Variants in SMARCA1 observed in about 807,000 individuals in gnomAD.
SMARCA1 encodes SNF2 related chromatin remodeling ATPase 1.
In SMARCA1, 17 loss-of-function variants were observed where a neutral mutation model predicts 93.6. The ratio of observed to expected loss-of-function variants is 0.18; its 90% CI spans 0.12 to 0.27. The LOEUF (loss-of-function observed/expected upper bound fraction) is 0.27. Among genes scored for constraint, SMARCA1 ranks in the 10% least tolerant of loss-of-function variants. SMARCA1 has a pLI of 1.00. For synonymous variants in SMARCA1, 271 were observed against 271.4 expected (o/e 1.00, Z 0.01); for missense variants, 630 against 819.0 (o/e 0.77, Z 2.82).
chrX:129,455,635 C>G (rs182930592), intron 23 of SMARCA1, among the ~76,000 whole-genome samples: 131 of 111,302 alleles, frequency 1.2e-3, no homozygotes, highest in African/African-American at 4.1e-3. Flanking sequence ...CTCCACTGAA[C>G]ACACAAGTGA....
At chrX:129,455,613 A>C (rs1313198165) in intron 23 of SMARCA1, among the ~76,000 whole-genome samples, 1 of 111,580 alleles carries the variant, frequency 9.0e-6, no homozygotes, top group Non-Finnish European at 1.9e-5. Context: ...AATTTAAAAA[A>C]AAAAAGTGCT....
intron 3 of SMARCA1, 142 bp downstream of exon 3, chrX:129,516,189 A>G: frequency 1.6e-6 from 1 of 630,980 alleles, no homozygotes. Flanking sequence ...TTCAAAACAT[A>G]ATTATAATGG....
intron 12 of SMARCA1, among the ~76,000 whole-genome samples, chrX:129,493,585 G>T (rs186034512): frequency 1.8e-5 from 2 of 111,413 alleles, no homozygotes; most frequent in African/African-American, 6.5e-5. Flanking sequence ...GCACCTTGGC[G>T]TAGAGGAAAT....
intron 9 of SMARCA1, among the ~76,000 whole-genome samples, chrX:129,502,153 A>G (rs1240221077): frequency 9.0e-6 from 1 of 111,470 alleles, no homozygotes; most frequent in Non-Finnish European, 1.9e-5. Flanking sequence ...ACTTAAGCAA[A>G]AAGACTCCGA....
chrX:129,471,314 G>A lies in SMARCA1; in HGVS notation c.2455C>T (p.Pro819Ser). ...GCCAGAGCTGGATTTGGGATATCAG[G>A]ATTCCTTGGAACCTATAAATCAAGA... is the stretch of plus-strand genomic sequence containing the variant. ...KTIGYKVPRN[P>S]DIPNPALAQR... The change falls in exon 20 of 25, where the codon CCT becomes TCT. Residue 819 changes from proline (P) to serine (S), a missense_variant. By Grantham distance (74) the Pro-to-Ser change is moderately conservative. Transcript: ENST00000371121. 8.4e-7 allele frequency: 1 copy of A among 1,194,946 alleles called. No individual in the cohort carries two copies. Among genetic ancestry groups the A allele is most frequent in the South Asian group, 1.8e-5 (1 of 54,588 alleles).
At chrX:129,448,992 G>A (rs1239968703) in intron 23 of SMARCA1, among the ~76,000 whole-genome samples, 5 of 107,089 alleles carry the variant, frequency 4.7e-5, no homozygotes, top group Admixed American at 1.0e-4. Flanking sequence ...ACACACACAC[G>A]AGCGCATGTA....
rs1422818864 is a variant in SMARCA1 at position 129,490,146 on chromosome X, C to T, written c.1862G>A (p.Arg621His). 8.4e-6 allele frequency: 10 copies of T among 1,187,797 alleles called. No individual in the cohort carries two copies. Among genetic ancestry groups the T allele is most frequent in the East Asian group, 5.9e-5 (2 of 33,645 alleles). ...TTCAACAGTGTTGTCAGTGATGAGA[C>T]GGAATACACGTACTGGTTTCTTCTG... ...IGQKKPVRVF[R>H]LITDNTVEER... Residue 621 changes from arginine (R) to histidine (H), a missense_variant, in exon 15 of 25, where the codon CGT becomes CAT. Physicochemically the swap from Arg to His is conservative, Grantham distance 29. Coordinates refer to ENST00000371121, the MANE Select transcript of SMARCA1 (RefSeq NM_001282874.2).
At chrX:129,504,570 A>AC (rs1569446176) in intron 9 of SMARCA1, among the ~76,000 whole-genome samples, 164 bp downstream of exon 9, 8 of 96,551 alleles carry the variant, frequency 8.3e-5, no homozygotes, top group Non-Finnish European at 1.4e-4. Flanking sequence ...AAAAAAAAAA[A>AC]AAAAAAAAAA....
intron 23 of SMARCA1, 151 bp downstream of exon 23, chrX:129,465,369 T>C (rs1361375641): frequency 1.3e-5 from 5 of 384,481 alleles, no homozygotes; most frequent in African/African-American, 2.6e-5. Flanking sequence ...ATATAGGTGC[T>C]ACGTATGTAT....
intron 17 of SMARCA1, among the ~76,000 whole-genome samples, chrX:129,481,395 T>G (rs1933650865): frequency 8.9e-6 from 1 of 112,557 alleles, no homozygotes; most frequent in Non-Finnish European, 1.9e-5. Flanking sequence ...TATTTTTATT[T>G]GAAAGTAGCT....
rs757964710 is a variant in SMARCA1 at position 129,511,990 on chromosome X, TATC to T, written c.631-10_631-8del. ...GTAAAGTTTTCCCAAGGCCCTGCAT[TATC>T]ATCACAAGGAAAAAAATCCATGAAC... is the stretch of plus-strand genomic sequence containing the variant. On this transcript the variant is annotated splice_region_variant and splice_polypyrimidine_tract_variant and intron_variant, in intron 5 of 24. Coordinates refer to ENST00000371121, the MANE Select transcript of SMARCA1 (RefSeq NM_001282874.2). 2.6e-6 allele frequency: 3 copies of T among 1,157,746 alleles called. No homozygotes were observed. Among genetic ancestry groups the T allele is most frequent in the Non-Finnish European group, 3.5e-6 (3 of 866,037 alleles).
chrX:129,522,367 G>A (rs1339111885), intron 1 of SMARCA1, among the ~76,000 whole-genome samples: 1 of 110,610 alleles, frequency 9.0e-6, no homozygotes, highest in East Asian at 2.8e-4. Context: ...GCGCCCACTA[G>A]GAGAGGGAGG....
Position 129,458,128 on chromosome X carries a change from C to G in SMARCA1, c.3030+7392G>C, listed in dbSNP as rs180925879. Reference sequence around the variant, plus strand: ...ACTATTTAGCTCTGCCATTGTAGCACGAAAACAGCCAAAGACAATACATAA... The same window carrying G: ...ACTATTTAGCTCTGCCATTGTAGCAGGAAAACAGCCAAAGACAATACATAA... On this transcript the variant is annotated intron_variant, in intron 23 of 24. Transcript: ENST00000371121. Among the ~76,000 whole-genome samples, 865 of 112,147 alleles carry G rather than the reference C, an allele frequency of 7.7e-3. 3 individuals are homozygous for G. The highest frequency in any genetic ancestry group is 0.013 in the Non-Finnish European group (690 of 53,213).
intron 21 of SMARCA1, among the ~76,000 whole-genome samples, chrX:129,466,318 G>A (rs1932904911): frequency 9.0e-6 from 1 of 111,154 alleles, no homozygotes; most frequent in Admixed American, 9.7e-5. Context: ...AGTGACACAG[G>A]AGAGAGTAAT....
chrX:129,478,056 C>G (rs1286685243), intron 19 of SMARCA1, among the ~76,000 whole-genome samples: 1 of 111,678 alleles, frequency 9.0e-6, no homozygotes, highest in Non-Finnish European at 1.9e-5. Context: ...CCACACTTCA[C>G]TTAGCTCATT....
chrX:129,501,929 G>A (rs759748926), intron 9 of SMARCA1, among the ~76,000 whole-genome samples: 1 of 111,890 alleles, frequency 8.9e-6, no homozygotes, highest in East Asian at 2.8e-4. Context: ...TTTTAAATGG[G>A]GATAATGATA....
chrX:129,501,001 A>G (rs1013029965), intron 9 of SMARCA1, among the ~76,000 whole-genome samples: 11 of 112,693 alleles, frequency 9.8e-5, no homozygotes, highest in African/African-American at 2.6e-4. Context: ...CAATAGTGCT[A>G]CAATCTATAG....
rs142479158 is a variant in SMARCA1 at position 129,478,235 on chromosome X, C to A, written c.2442+2466G>T. ...TTGTAGTATCTAATGCCTATCTCCT[C>A]TATTAGAATGTAAGCTCCATGAGAT... On this transcript the variant is annotated intron_variant, in intron 19 of 24. Transcript: ENST00000371121. 6.5e-3 allele frequency among the ~76,000 whole-genome samples: 730 copies of A among 112,128 alleles called. 6 individuals are homozygous for A. The highest frequency in any genetic ancestry group is 0.022 in the African/African-American group (680 of 30,849).
intron 23 of SMARCA1, among the ~76,000 whole-genome samples, chrX:129,464,039 T>C (rs1365151287): frequency 8.9e-6 from 1 of 112,323 alleles, no homozygotes; most frequent in Admixed American, 9.5e-5. Context: ...TCTAGCTCCT[T>C]CTGGATCATG....
Sources: allele counts gnomAD v4.1 joint callset (sites outside exome capture counted in the v4.1 genomes callset), GRCh38; gene constraint gnomAD v4.1.1; transcripts MANE v1.5; gene names NCBI Gene and HGNC (gene_info 2026-07-23, HGNC 2026-07-21).